The following ZNF331 variants were observed in gnomAD, a reference collection of about 807,000 sequenced individuals.
ZNF331 encodes C2H2-like zinc finger protein rearranged in thyroid adenomas.
ZNF331 carries 2 observed loss-of-function variants against 7.0 expected under a neutral mutation model. The observed-to-expected ratio is 0.29, with a 90% confidence interval of 0.12 to 0.90. ZNF331 has a LOEUF of 0.90. Among genes scored for constraint, ZNF331 ranks in the 40% least tolerant of loss-of-function variants. The probability of loss-of-function intolerance (pLI) is 0.58; values close to 1 mark genes in which losing one functional copy is unlikely to be tolerated. For synonymous variants in ZNF331, 196 were observed against 205.4 expected, an observed-to-expected ratio of 0.95 and a Z score of 0.39; for missense variants, 432 against 587.7, an observed-to-expected ratio of 0.74 and a Z score of 2.74.
intron 3 of ZNF331, among the ~76,000 whole-genome samples, chr19:53,562,025 G>C (rs1371624012): frequency 6.6e-6 from 1 of 152,076 alleles, no homozygotes; most frequent in Admixed American, 6.6e-5. Context: ...GCGCGCGCCT[G>C]TAATCCCAGG....
chr19:53,517,453 C>T (rs1321628131), upstream of ZNF331, among the ~76,000 whole-genome samples: 6 of 152,172 alleles, frequency 3.9e-5, no homozygotes, highest in African/African-American at 7.2e-5. Flanking sequence ...CAGCTCAAAA[C>T]GGCCATCTTA....
At chr19:53,561,374 C>G (rs1600419643) in intron 3 of ZNF331, among the ~76,000 whole-genome samples, 1 of 148,816 alleles carries the variant, frequency 6.7e-6, no homozygotes, top group Admixed American at 6.7e-5. Flanking sequence ...CTGAGGAGCT[C>G]TTAGAGAAAA....
At chr19:53,536,141 C>G (rs2087739228), upstream of ZNF331, among the ~76,000 whole-genome samples, 1 of 152,178 alleles carries the variant, frequency 6.6e-6, no homozygotes, top group African/African-American at 2.4e-5. Flanking sequence ...AAGGAACTAT[C>G]ATGTCTCTGT....
At chr19:53,549,861 C>T (rs933981891) in intron 2 of ZNF331, among the ~76,000 whole-genome samples, 2 of 151,866 alleles carry the variant, frequency 1.3e-5, no homozygotes, top group South Asian at 2.1e-4. Flanking sequence ...TTCCTTCTTT[C>T]GTGATATAAG....
At chr19:53,568,908 G>A (rs1354307179) in intron 3 of ZNF331, among the ~76,000 whole-genome samples, 1 of 139,912 alleles carries the variant, frequency 7.1e-6, no homozygotes, top group African/African-American at 2.7e-5. Context: ...AGAGGCTGGA[G>A]TGCAGTGACG....
intron 2 of ZNF331, among the ~76,000 whole-genome samples, chr19:53,542,967 G>A (rs549980679): frequency 3.9e-5 from 6 of 152,262 alleles, no homozygotes; most frequent in East Asian, 1.9e-4. Flanking sequence ...GTGCCACCAC[G>A]CCCAGCTAAT....
the ZNF331 span, among the ~76,000 whole-genome samples, chr19:53,507,019 C>T: frequency 2.6e-5 from 4 of 152,120 alleles, no homozygotes; most frequent in African/African-American, 9.7e-5. Context: ...GGTGTGATCC[C>T]CGCCCTGCCA....
At chr19:53,516,448 C>CAA (rs34986946), upstream of ZNF331, among the ~76,000 whole-genome samples, 3 of 120,398 alleles carry the variant, frequency 2.5e-5, no homozygotes, top group Non-Finnish European at 3.6e-5. Context: ...GACTCCATCT[C>CAA]AAAAAAAAAA....
chr19:53,556,937 C>G (rs2089466757), intron 3 of ZNF331, among the ~76,000 whole-genome samples: 1 of 146,988 alleles, frequency 6.8e-6, no homozygotes, highest in African/African-American at 2.5e-5. Context: ...TTCTGAGTAG[C>G]TGGGACTACA....
intron 2 of ZNF331, among the ~76,000 whole-genome samples, chr19:53,527,810 A>G (rs1460767197): frequency 6.6e-6 from 1 of 152,172 alleles, no homozygotes; most frequent in Non-Finnish European, 1.5e-5. Context: ...TACACCTTAT[A>G]GAATTAGAGA....
At chr19:53,524,373 CCCA>C (rs1246215475) in intron 2 of ZNF331, among the ~76,000 whole-genome samples, 1 of 152,218 alleles carries the variant, frequency 6.6e-6, no homozygotes, top group East Asian at 1.9e-4. Context: ...AATTTACACT[CCCA>C]CCAACAGTGT....
intron 2 of ZNF331, among the ~76,000 whole-genome samples, chr19:53,528,986 A>C (rs62143892): frequency 0.082 from 12,529 of 151,890 alleles, 596 homozygotes; most frequent in Non-Finnish European, 0.11. Flanking sequence ...GAGGTTTCAC[A>C]ATGTTGGCCA....
Position 53,559,922 on chromosome 19 carries a change from A to C in ZNF331, c.-74+4014A>C, listed in dbSNP as rs565416041. On this transcript the variant is annotated intron_variant, in intron 3 of 5. Coordinates refer to ENST00000449416, the MANE Select transcript of ZNF331 (RefSeq NM_001079906.2). ...CACACATATGTACACATACATACCC[A>C]CACCATACACACATACATACACACC... 4.0e-5 allele frequency among the ~76,000 whole-genome samples: 6 copies of C among 150,926 alleles called. No individual in the cohort carries two copies. In the East Asian group the frequency reaches 7.8e-4, roughly 20 times the overall value.
At chr19:53,567,948 C>T (rs1347352398) in intron 3 of ZNF331, among the ~76,000 whole-genome samples, 1 of 151,964 alleles carries the variant, frequency 6.6e-6, no homozygotes, top group Non-Finnish European at 1.5e-5. Context: ...AGATTGTCAT[C>T]ACCCAAGGAA....
intron 2 of ZNF331, among the ~76,000 whole-genome samples, chr19:53,531,027 T>A (rs1314053951): frequency 6.6e-6 from 1 of 152,092 alleles, no homozygotes; most frequent in Admixed American, 6.6e-5. Context: ...TTGTCATAGA[T>A]ATGGCCTGAG....
chr19:53,544,637 A>G lies in ZNF331; in HGVS notation c.-138+5355A>G, dbSNP rs556190774. Reference sequence around the variant, plus strand: ...CCATCCTCTACTGTGAGATACTGCTATTTTTTTCGTTGTTGAAACTGTATT... The same window carrying G: ...CCATCCTCTACTGTGAGATACTGCTGTTTTTTTCGTTGTTGAAACTGTATT... On this transcript the variant is annotated intron_variant, in intron 2 of 5. Transcript: ENST00000449416. Among the ~76,000 whole-genome samples the G allele has an allele frequency of 1.9e-3, 287 of 152,066 alleles. 1 individual carries two copies. Among genetic ancestry groups the G allele is most frequent in the African/African-American group, 6.7e-3 (276 of 41,462 alleles).
intron 5 of ZNF331, among the ~76,000 whole-genome samples, chr19:53,572,714 G>C (rs533738630): frequency 5.3e-5 from 8 of 151,628 alleles, no homozygotes; most frequent in South Asian, 2.1e-4. Context: ...CACTGTGTGT[G>C]TAAGTACATT....
In ZNF331 at chr19:53,576,740, A is replaced by C; in HGVS notation, c.180A>C (p.Lys60Asn). 1 of 1,612,130 alleles carries C rather than the reference A, an allele frequency of 6.2e-7. No individual in the cohort carries two copies. The highest frequency in any genetic ancestry group is 8.5e-7 in the Non-Finnish European group (1 of 1,179,476). The change falls in exon 6 of 6, where the codon AAA (lysine) becomes AAC (asparagine). Residue 60 changes from lysine (K) to asparagine (N), a missense_variant. Around this residue, in one of 3 missense-constraint regions of ZNF331, gnomAD observed 81 missense variants for 70.3 expected, o/e 1.15. Coordinates refer to ENST00000449416, the MANE Select transcript of ZNF331 (RefSeq NM_001079906.2). ...AYENKSLPTEKNIHEIRASKR... is the reference protein window; with the variant it reads ...AYENKSLPTENNIHEIRASKR... Reference sequence around the variant, plus strand: ...AAAATAAGAGTTTACCTACAGAAAAAAACATTCATGAAATAAGGGCTTCCA... The same window carrying C: ...AAAATAAGAGTTTACCTACAGAAAACAACATTCATGAAATAAGGGCTTCCA...
intron 3 of ZNF331, among the ~76,000 whole-genome samples, chr19:53,559,793 CACGTATAT>C (rs2089733731): frequency 6.6e-6 from 1 of 151,272 alleles, no homozygotes; most frequent in African/African-American, 2.4e-5. Flanking sequence ...TATATACACA[CACGTATAT>C]ACATATATAC....
Sources: gnomAD v4.1 joint callset for allele counts (sites outside exome capture counted in the v4.1 genomes callset) on GRCh38, gnomAD v4.1.1 for gene constraint, gnomAD v4.1.1 regional missense constraint, MANE v1.5 for transcripts, NCBI Gene and HGNC (gene_info 2026-07-23, HGNC 2026-07-21) for gene names.